Variants in SYT3 observed in about 807,000 individuals in gnomAD.
SYT3 encodes synaptotagmin 3, also known as synaptotagmin-3.
A neutral mutation model predicts 50.6 loss-of-function variants in SYT3; 25 were observed. The observed-to-expected ratio is 0.49, with a 90% CI of 0.36 to 0.69. The LOEUF (loss-of-function observed/expected upper bound fraction) is 0.69. Among genes scored for constraint, SYT3 ranks in the 30% least tolerant of loss-of-function variants. The pLI is 0.00. For missense variants in SYT3, 589 were observed against 793.6 expected, an observed-to-expected ratio of 0.74 and a Z score of 3.10; for synonymous variants, 323 against 353.9, an observed-to-expected ratio of 0.91 and a Z score of 0.98.
the SYT3 span, chr19:50,658,086 A>G: frequency 6.5e-7 from 1 of 1,535,920 alleles, no homozygotes; most frequent in Non-Finnish European, 8.7e-7. Flanking sequence ...ATCCGCTTTG[A>G]GAACATGAAC....
At chr19:50,649,245 G>T in the SYT3 span, among the ~76,000 whole-genome samples, 1 of 151,992 alleles carries the variant, frequency 6.6e-6, no homozygotes. Context: ...AGAAGGGATT[G>T]GGGCACACAG....
chr19:50,643,202 T>C (rs66965290), upstream of SYT3, among the ~76,000 whole-genome samples: 51,978 of 151,336 alleles, frequency 0.34, 9,810 homozygotes, highest in African/African-American at 0.52. Flanking sequence ...GAGACCTCAT[T>C]TCTACAAAAA....
chr19:50,623,226 G>T (rs1277485917), intron 9 of SYT3, among the ~76,000 whole-genome samples: 1 of 152,088 alleles, frequency 6.6e-6, no homozygotes, highest in African/African-American at 2.4e-5. Flanking sequence ...TCCTGGGAAG[G>T]TTGGTGGGAT....
At position 50,629,420 on chromosome 19, in the gene SYT3, G is replaced by A. The variant is rs769043735; in HGVS notation, c.1155C>T (p.Ser385=). 7 of 1,614,050 alleles carry A rather than the reference G, an allele frequency of 4.3e-6. No homozygotes were observed. The South Asian group carries it at 4.4e-5, about 10-fold the overall frequency. The change falls in exon 6 of 11, where the codon AGC becomes AGT. Residue 385 remains serine (S), a synonymous_variant. Coordinates refer to ENST00000600079, the MANE Select transcript of SYT3 (RefSeq NM_001160329.2). The part of the protein sequence containing the change: ...AELAQRKLHF[S]VYDFDRFSRH... ...GCGAGAAGCGGTCAAAGTCATAGAC[G>A]CTGAAGTGCAGTTTGCGTTGGGCCA...
At position 50,625,404 on chromosome 19, in the gene SYT3, T is replaced by C. The variant is rs16986142; in HGVS notation, c.1563A>G (p.Val521=). Residue 521 remains valine (V), a synonymous_variant, in exon 8 of 11, where the codon GTA becomes GTG. Transcript: ENST00000600079. The surrounding 1 kb of genome is among the most constrained non-coding windows in gnomAD (Gnocchi z 7.5). ...GCCGCGCCCCTCACCAGTCGTAGTCTACCACGGCGATGCTGAGCCCCACGT... is the reference window on the plus strand; with the variant it reads ...GCCGCGCCCCTCACCAGTCGTAGTCCACCACGGCGATGCTGAGCCCCACGT... The part of the protein sequence containing the change: ...VENVGLSIAV[V]DYDCIGHNEV... The C allele has an allele frequency of 0.82, 1,267,089 of 1,551,388 alleles. 525,371 individuals carry two copies. The highest frequency in any genetic ancestry group is 0.86 in the African/African-American group (62,955 of 73,042).
chr19:50,644,786 T>C (rs1274483694), upstream of SYT3, among the ~76,000 whole-genome samples: 1 of 151,062 alleles, frequency 6.6e-6, no homozygotes, highest in Non-Finnish European at 1.5e-5. Flanking sequence ...GATGGGTAGA[T>C]GGAGAATTAG....
chr19:50,641,243 G>C (rs1299873981), upstream of SYT3, among the ~76,000 whole-genome samples: 1 of 135,758 alleles, frequency 7.4e-6, no homozygotes. Context: ...GTAGTGGCGC[G>C]ATCTGGGCTC....
chr19:50,628,890 T>A (rs532672617), intron 6 of SYT3, among the ~76,000 whole-genome samples: 39 of 150,994 alleles, frequency 2.6e-4, no homozygotes, highest in African/African-American at 8.3e-4. Context: ...AATGGCATGA[T>A]CTCTGCTCAC....
At chr19:50,623,199 A>C (rs1214906890) in intron 9 of SYT3, among the ~76,000 whole-genome samples, 4 of 152,054 alleles carry the variant, frequency 2.6e-5, no homozygotes, top group African/African-American at 9.7e-5. Flanking sequence ...CAACATGGGC[A>C]GTGGCTCACC....
At chr19:50,654,669 AC>A in the SYT3 span, among the ~76,000 whole-genome samples, 1,710 of 128,532 alleles carry the variant, frequency 0.013, 29 homozygotes, top group African/African-American at 0.05. Flanking sequence ...TTTCTCTGTC[AC>A]CCAGGCTGAA....
intron 4 of SYT3, among the ~76,000 whole-genome samples, chr19:50,631,250 A>G (rs1984294879): frequency 6.7e-6 from 1 of 148,550 alleles, no homozygotes; most frequent in Non-Finnish European, 1.5e-5. Context: ...TCCCAGGTTC[A>G]AGAGATTCTC....
chr19:50,644,930 G>T, the SYT3 span, among the ~76,000 whole-genome samples: 1 of 152,072 alleles, frequency 6.6e-6, no homozygotes, highest in African/African-American at 2.4e-5. Context: ...GGATGTTGGA[G>T]AAATAGATGA....
At chr19:50,656,263 G>A in the SYT3 span, 1 of 1,536,156 alleles carries the variant, frequency 6.5e-7, no homozygotes, top group Non-Finnish European at 8.7e-7. Context: ...AGAGTACGAG[G>A]CACTGGACCG....
chr19:50,649,465 C>G, the SYT3 span: 2 of 1,536,196 alleles, frequency 1.3e-6, no homozygotes, highest in Non-Finnish European at 8.7e-7. Flanking sequence ...AGGTGGAGCC[C>G]GTGTGCTTCC....
the SYT3 span, among the ~76,000 whole-genome samples, chr19:50,650,262 A>G: frequency 6.6e-6 from 1 of 152,204 alleles, no homozygotes; most frequent in Non-Finnish European, 1.5e-5. Flanking sequence ...TCAGGCTCCT[A>G]GCCCAGCACT....
chr19:50,626,362 C>T (rs1325427402), intron 6 of SYT3, among the ~76,000 whole-genome samples: 1 of 152,050 alleles, frequency 6.6e-6, no homozygotes, highest in African/African-American at 2.4e-5. Context: ...GAAAGACAGA[C>T]CCACAGGCAA....
the SYT3 span, among the ~76,000 whole-genome samples, chr19:50,656,967 A>G: frequency 7.6e-6 from 1 of 131,996 alleles, no homozygotes; most frequent in African/African-American, 3.5e-5. Flanking sequence ...AAAGGAAGGA[A>G]GAAAGAAAGA....
chr19:50,644,955 G>A, the SYT3 span, among the ~76,000 whole-genome samples: 1 of 152,156 alleles, frequency 6.6e-6, no homozygotes, highest in Admixed American at 6.5e-5. Flanking sequence ...ATGGATGGAT[G>A]GGTGACTGAT....
chr19:50,631,243 C>T (rs1984294654), intron 4 of SYT3, among the ~76,000 whole-genome samples: 1 of 150,536 alleles, frequency 6.6e-6, no homozygotes, highest in East Asian at 1.9e-4. Context: ...TCTTGGCTCC[C>T]AGGTTCAAGA....
Sources: gnomAD v4.1 joint callset for allele counts (sites outside exome capture counted in the v4.1 genomes callset) on GRCh38, gnomAD v4.1.1 for gene constraint, Gnocchi (gnomAD v3.1) non-coding constraint, MANE v1.5 for transcripts, NCBI Gene and HGNC (gene_info 2026-07-23, HGNC 2026-07-21) for gene names.